Variants in NRXN3 observed in about 807,000 individuals in gnomAD.
The protein encoded by NRXN3 is neurexin 3.
A neutral mutation model predicts 137.6 loss-of-function variants in NRXN3; 32 were observed. The observed-to-expected ratio is 0.23, with a 90% CI of 0.18 to 0.31. NRXN3 has a LOEUF of 0.31. Among genes scored for constraint, NRXN3 ranks in the 10% least tolerant of loss-of-function variants. The probability of loss-of-function intolerance (pLI) is 1.00; values close to 1 mark genes in which losing one functional copy is unlikely to be tolerated. For synonymous variants in NRXN3, 798 were observed against 784.5 expected (o/e 1.02, Z -0.29); for missense variants, 1,574 against 2,062.5 (o/e 0.76, Z 4.59).
intron 17 of NRXN3, among the ~76,000 whole-genome samples, chr14:79,666,115 A>G (rs1330329249): frequency 6.6e-6 from 1 of 152,144 alleles, no homozygotes; most frequent in African/African-American, 2.4e-5. Flanking sequence ...GAACCATAAA[A>G]TAAGTGTAAG....
chr14:78,915,163 C>T (rs1464742558), intron 10 of NRXN3, among the ~76,000 whole-genome samples: 4 of 151,130 alleles, frequency 2.6e-5, no homozygotes, highest in Admixed American at 6.6e-5. Context: ...GTGGTATGTG[C>T]GTGTGTAGAT....
At chr14:78,499,200 G>C (rs1340575143) in intron 4 of NRXN3, among the ~76,000 whole-genome samples, 1 of 151,130 alleles carries the variant, frequency 6.6e-6, no homozygotes, top group Non-Finnish European at 1.5e-5. Context: ...TCATTATAAA[G>C]GTGCAACTAG....
intron 15 of NRXN3, among the ~76,000 whole-genome samples, chr14:79,361,027 T>C (rs2093663080): frequency 6.6e-6 from 1 of 152,192 alleles, no homozygotes; most frequent in South Asian, 2.1e-4. Context: ...ATCACCTGTG[T>C]GTATGTGATT....
chr14:79,165,544 C>T (rs1311713903), intron 15 of NRXN3, among the ~76,000 whole-genome samples: 2 of 152,000 alleles, frequency 1.3e-5, no homozygotes, highest in East Asian at 1.9e-4. Context: ...GGAATCTATG[C>T]AGACACACAC....
At chr14:78,297,917 CTGGCTGGTCACAGAG>C (rs1274859070) in intron 4 of NRXN3, 57 bp downstream of exon 4, 2 of 1,533,916 alleles carry the variant, frequency 1.3e-6, no homozygotes. Context: ...CTCCGTGCCT[CTGGCTGGTCACAGAG>C]CCTCATCGTC....
chr14:78,813,408 T>G (rs1445976449), intron 10 of NRXN3, among the ~76,000 whole-genome samples: 1 of 152,182 alleles, frequency 6.6e-6, no homozygotes. Flanking sequence ...GTGAGAGTAT[T>G]TGCACCCTGG....
chr14:78,848,446 G>T (rs1475164051), intron 10 of NRXN3, among the ~76,000 whole-genome samples: 10 of 152,150 alleles, frequency 6.6e-5, no homozygotes, highest in Non-Finnish European at 1.5e-4. Flanking sequence ...CGGCTGGCAT[G>T]CAGAAATGCA....
At chr14:78,989,540 G>A (rs1032400171) in intron 15 of NRXN3, among the ~76,000 whole-genome samples, 5 of 152,072 alleles carry the variant, frequency 3.3e-5, no homozygotes, top group Non-Finnish European at 7.4e-5. Context: ...GAAAGTTTTG[G>A]TATAAGACTG....
chr14:79,079,021 T>A (rs1176549595), intron 15 of NRXN3, among the ~76,000 whole-genome samples: 1 of 152,206 alleles, frequency 6.6e-6, no homozygotes, highest in Admixed American at 6.6e-5. Context: ...TCAACATTGC[T>A]TCTTTTAGTG....
At chr14:78,770,203 A>C (rs1471484491) in intron 8 of NRXN3, among the ~76,000 whole-genome samples, 3 of 152,180 alleles carry the variant, frequency 2.0e-5, no homozygotes, top group Non-Finnish European at 4.4e-5. Flanking sequence ...TTTGAACAAT[A>C]AGGACCTCAC....
At chr14:79,490,519 A>G (rs184574217) in intron 16 of NRXN3, among the ~76,000 whole-genome samples, 3 of 152,332 alleles carry the variant, frequency 2.0e-5, no homozygotes, top group African/African-American at 7.2e-5. Context: ...TTGCAATCAT[A>G]TGGCTGGAAC....
intron 19 of NRXN3, among the ~76,000 whole-genome samples, chr14:79,767,432 T>G (rs2099059795): frequency 6.6e-6 from 1 of 152,214 alleles, no homozygotes; most frequent in African/African-American, 2.4e-5. Context: ...TCCCTGACCA[T>G]GTCAGATTTT....
intron 15 of NRXN3, among the ~76,000 whole-genome samples, chr14:79,092,877 C>G (rs2049471747): frequency 6.6e-6 from 1 of 152,144 alleles, no homozygotes; most frequent in Non-Finnish European, 1.5e-5. Flanking sequence ...CCCAAAGTCT[C>G]TGCCCAACTG....
At chr14:79,820,579 C>A (rs79600573) in intron 20 of NRXN3, among the ~76,000 whole-genome samples, 6 of 152,056 alleles carry the variant, frequency 3.9e-5, no homozygotes, top group African/African-American at 7.2e-5. Flanking sequence ...ACATATCATG[C>A]GGTTTTGTTG....
chr14:79,066,404 G>A (rs1253354009), intron 15 of NRXN3, among the ~76,000 whole-genome samples: 2 of 152,124 alleles, frequency 1.3e-5, no homozygotes, highest in African/African-American at 4.8e-5. Flanking sequence ...TTGTAGAATA[G>A]TTTAAAGTCA....
intron 15 of NRXN3, among the ~76,000 whole-genome samples, chr14:79,024,815 AC>A (rs2152460405): frequency 6.6e-6 from 1 of 152,240 alleles, no homozygotes; most frequent in South Asian, 2.1e-4. Flanking sequence ...CACACAAGGT[AC>A]CTCTTCTCCT....
At chr14:79,437,441 G>C (rs900541734) in intron 15 of NRXN3, among the ~76,000 whole-genome samples, 1 of 150,606 alleles carries the variant, frequency 6.6e-6, no homozygotes, top group African/African-American at 2.4e-5. Context: ...CTCCATCTGA[G>C]AACCCATTAA....
intron 15 of NRXN3, among the ~76,000 whole-genome samples, chr14:79,331,882 C>T (rs1207873156): frequency 1.3e-5 from 2 of 150,874 alleles, no homozygotes; most frequent in African/African-American, 4.9e-5. Flanking sequence ...GAAAGTACTA[C>T]ACACTTTAGT....
chr14:79,208,954 T>C (rs1365308985), intron 15 of NRXN3, among the ~76,000 whole-genome samples: 1 of 152,140 alleles, frequency 6.6e-6, no homozygotes, highest in Non-Finnish European at 1.5e-5. Context: ...GTTTTTTTGT[T>C]TTGAGATGGA....
Sources: gnomAD v4.1 joint callset for allele counts (sites outside exome capture counted in the v4.1 genomes callset) on GRCh38, gnomAD v4.1.1 for gene constraint, MANE v1.5 for transcripts, NCBI Gene and HGNC (gene_info 2026-07-23, HGNC 2026-07-21) for gene names.